The following KSR2 variants were observed in gnomAD, a reference collection of about 807,000 sequenced individuals.
KSR2 encodes the protein kinase suppressor of ras 2.
In KSR2, 25 loss-of-function variants were observed where a neutral mutation model predicts 107.8. That is an observed-to-expected ratio of 0.23 (90% CI 0.17 to 0.32). The LOEUF is 0.32. Among genes scored for constraint, KSR2 ranks in the 10% least tolerant of loss-of-function variants. The pLI is 1.00. For synonymous variants in KSR2, 480 were observed against 507.0 expected (o/e 0.95, Z 0.71); for missense variants, 887 against 1,268.9 (o/e 0.70, Z 4.57).
chr12:117,718,191 G>A (rs1887071665), intron 4 of KSR2, among the ~76,000 whole-genome samples: 1 of 152,232 alleles, frequency 6.6e-6, no homozygotes, highest in Admixed American at 6.5e-5. Context: ...TGGATTAACA[G>A]AGTATTGTCT....
chr12:117,490,676 A>G (rs947913451), intron 14 of KSR2, among the ~76,000 whole-genome samples: 3 of 152,082 alleles, frequency 2.0e-5, no homozygotes, highest in Non-Finnish European at 4.4e-5. Context: ...GATTACAGAC[A>G]TGAGCCGCTG....
chr12:117,544,570 G>A lies in KSR2; in HGVS notation c.1519-4683C>T, dbSNP rs140429397. ...GGAGGCAGAAGTTGCAGTGAGCTGA[G>A]ATCATACCACTGCACTCCAGCCTGG... On this transcript the variant is annotated intron_variant, in intron 9 of 19. Coordinates refer to ENST00000339824, the MANE Select transcript of KSR2 (RefSeq NM_173598.6). 3.4e-3 allele frequency among the ~76,000 whole-genome samples: 516 copies of A among 151,282 alleles called. 1 individual carries two copies. The highest frequency in any genetic ancestry group is 0.012 in the African/African-American group (494 of 41,200).
chr12:117,862,575 G>A (rs74598885), intron 1 of KSR2, among the ~76,000 whole-genome samples: 8,274 of 152,186 alleles, frequency 0.054, 657 homozygotes, highest in East Asian at 0.33. Context: ...AGCCCAGGAG[G>A]TGGAGGCTGC....
At chr12:117,477,093 A>G (rs1228795308) in intron 16 of KSR2, among the ~76,000 whole-genome samples, 1 of 152,192 alleles carries the variant, frequency 6.6e-6, no homozygotes, top group Non-Finnish European at 1.5e-5. Flanking sequence ...CCCTACGAAC[A>G]GGTGCCAGAG....
At chr12:117,740,571 CAT>C (rs1409539754) in intron 4 of KSR2, among the ~76,000 whole-genome samples, 31 of 109,382 alleles carry the variant, frequency 2.8e-4, no homozygotes, top group East Asian at 4.7e-4. Context: ...GAATATATAA[CAT>C]ATATTATATA....
At chr12:117,684,144 T>G (rs1335483234) in intron 4 of KSR2, among the ~76,000 whole-genome samples, 5 of 152,174 alleles carry the variant, frequency 3.3e-5, no homozygotes, top group Admixed American at 2.0e-4. Context: ...TCTCTGCCAC[T>G]GGGACTTTAT....
At chr12:117,567,334 G>A (rs573207895) in intron 7 of KSR2, among the ~76,000 whole-genome samples, 1 of 152,182 alleles carries the variant, frequency 6.6e-6, no homozygotes, top group Non-Finnish European at 1.5e-5. Context: ...GTCAATGAGT[G>A]GGCACATGAC....
intron 1 of KSR2, among the ~76,000 whole-genome samples, chr12:117,876,413 A>G (rs977839867): frequency 1.3e-5 from 2 of 152,236 alleles, no homozygotes; most frequent in African/African-American, 4.8e-5. Context: ...AGTCTGGGGC[A>G]GTCCCGCCGA....
At chr12:117,790,302 A>G (rs896159850) in intron 3 of KSR2, among the ~76,000 whole-genome samples, 5 of 151,882 alleles carry the variant, frequency 3.3e-5, no homozygotes, top group Non-Finnish European at 5.9e-5. Flanking sequence ...AGCATGTGTA[A>G]GAGGTACATT....
At chr12:117,869,598 C>T (rs1266107304) in intron 1 of KSR2, among the ~76,000 whole-genome samples, 1 of 152,190 alleles carries the variant, frequency 6.6e-6, no homozygotes, top group Non-Finnish European at 1.5e-5. Context: ...TTTCCTCTCA[C>T]ATAAATGATA....
rs114024040 is a variant in KSR2 at position 117,743,065 on chromosome 12, T to C, written c.986+17946A>G. On this transcript the variant is annotated intron_variant, in intron 4 of 19. Coordinates refer to ENST00000339824, the MANE Select transcript of KSR2 (RefSeq NM_173598.6). ...CACAGATGACCACCCAGCTAGACCA[T>C]GCCCTGGCAAGAGCATCCGACCTCC... is the stretch of plus-strand genomic sequence containing the variant. Among the ~76,000 whole-genome samples, 762 of 152,344 alleles carry C rather than the reference T, an allele frequency of 5.0e-3. 7 individuals carry two copies. The highest frequency in any genetic ancestry group is 0.017 in the African/African-American group (723 of 41,586).
intron 4 of KSR2, among the ~76,000 whole-genome samples, chr12:117,695,542 C>CAA (rs770628810): frequency 0.013 from 1,748 of 131,192 alleles, 36 homozygotes; most frequent in African/African-American, 0.043. Context: ...CCCATTTCTA[C>CAA]AAAAAAAAAA....
At chr12:117,593,445 G>C (rs1306249094) in intron 5 of KSR2, among the ~76,000 whole-genome samples, 1 of 152,270 alleles carries the variant, frequency 6.6e-6, no homozygotes, top group African/African-American at 2.4e-5. Context: ...AGTTGGGCTT[G>C]ACATTTGGAC....
intron 1 of KSR2, among the ~76,000 whole-genome samples, chr12:117,945,501 C>A (rs1403447535): frequency 6.6e-6 from 1 of 151,972 alleles, no homozygotes; most frequent in Non-Finnish European, 1.5e-5. Flanking sequence ...GTGGTGAAAC[C>A]CTATCTCTAA....
rs1397016321 is a variant in KSR2, at chr12:117,897,882, A to G, written c.181-37451T>C. On this transcript the variant is annotated intron_variant, in intron 1 of 19. Coordinates refer to ENST00000339824, the MANE Select transcript of KSR2 (RefSeq NM_173598.6). The surrounding 1 kb of genome is among the most constrained non-coding windows in gnomAD (Gnocchi z 4.5). ...TTTTAGTTGGCTTGAGAATATAGCC[A>G]CCCACGCGAAATGGTTGGCAGTCTA... Among the ~76,000 whole-genome samples, 2 of 152,076 alleles carry G rather than the reference A, an allele frequency of 1.3e-5. No homozygotes were observed. Among genetic ancestry groups the G allele is most frequent in the Non-Finnish European group, 2.9e-5 (2 of 68,010 alleles).
chr12:117,964,098 C>T (rs1593410556), intron 1 of KSR2, among the ~76,000 whole-genome samples: 1 of 152,256 alleles, frequency 6.6e-6, no homozygotes. Context: ...GCCATCATGG[C>T]AAAAGCTCGT....
chr12:117,667,830 A>C (rs1565951878), intron 4 of KSR2, among the ~76,000 whole-genome samples, 172 bp from the exon 5 acceptor site: 1 of 152,030 alleles, frequency 6.6e-6, no homozygotes, highest in African/African-American at 2.4e-5. Context: ...AAAAGGGTTT[A>C]CCCTCTCACC....
At chr12:117,487,692 C>T (rs1460217164) in intron 14 of KSR2, among the ~76,000 whole-genome samples, 1 of 152,196 alleles carries the variant, frequency 6.6e-6, no homozygotes. Context: ...AAATCACCGC[C>T]AACAGGCTCC....
At chr12:117,497,504 T>C (rs531082186) in intron 14 of KSR2, among the ~76,000 whole-genome samples, 1 of 152,260 alleles carries the variant, frequency 6.6e-6, no homozygotes, top group African/African-American at 2.4e-5. Context: ...ATCATCATCC[T>C]GTTTAGGATG....
Sources: allele counts gnomAD v4.1 joint callset (sites outside exome capture counted in the v4.1 genomes callset), GRCh38; gene constraint gnomAD v4.1.1; non-coding constraint Gnocchi (gnomAD v3.1); transcripts MANE v1.5; gene names NCBI Gene and HGNC (gene_info 2026-07-23, HGNC 2026-07-21).